Variants in BSDC1 observed in about 807,000 individuals in gnomAD.
The protein encoded by BSDC1 is BSD domain-containing protein 1.
Under a neutral mutation model 56.0 loss-of-function variants are expected in BSDC1, and 29 were observed. That is an observed-to-expected ratio of 0.52 (90% CI 0.39 to 0.71). The LOEUF is 0.71. Ranked by LOEUF, BSDC1 falls within the 30% of genes least tolerant of loss-of-function variation. The probability of loss-of-function intolerance (pLI) is 0.00; values close to 1 mark genes in which losing one functional copy is unlikely to be tolerated. For synonymous variants in BSDC1, 210 were observed against 215.3 expected (o/e 0.98, Z 0.21); for missense variants, 477 against 548.5 (o/e 0.87, Z 1.30).
rs570507375 is a variant in BSDC1, at chr1:32,367,239, C to T, written c.1261-585G>A. The T allele has an allele frequency of 2.2e-5, 22 of 985,440 alleles. No individual in the cohort carries two copies. In the South Asian group the frequency reaches 8.9e-4, roughly 40 times the overall value. 61.0% of individuals were successfully genotyped at this position (985,440 alleles called of 1,614,324 possible). On this transcript the variant is annotated intron_variant, in intron 10 of 10. Coordinates refer to ENST00000455895, the MANE Select transcript of BSDC1 (RefSeq NM_018045.8). The stretch of plus-strand genomic sequence containing the variant: ...CACGGAACGTTTTCTTGCTTTGTTC[C>T]TACTCTTGGCCTGCTGTCGGCTAAG...
intron 10 of BSDC1, chr1:32,367,081 C>G (rs1360432606): frequency 1.0e-6 from 1 of 990,372 alleles, no homozygotes; most frequent in Non-Finnish European, 1.2e-6. Flanking sequence ...GGGCAAGTTA[C>G]TTAGTCTTTG....
chr1:32,390,771 C>T (rs1304005120), intron 2 of BSDC1, among the ~76,000 whole-genome samples: 1 of 151,778 alleles, frequency 6.6e-6, no homozygotes, highest in Non-Finnish European at 1.5e-5. Context: ...ATTAGTTGGG[C>T]GTGATGGTAC....
Position 32,365,079 on chromosome 1 carries a change from G to C in BSDC1, c.*1543C>G, listed in dbSNP as rs1258327646. On this transcript the variant is annotated 3_prime_UTR_variant, in exon 11 of 11. Coordinates refer to ENST00000455895, the MANE Select transcript of BSDC1 (RefSeq NM_018045.8). ...CCTGGCCCAGTGCAGCTGCCAAGGG[G>C]ACAAAAACAGACCCCCAGACACCTT... 4 of 152,212 alleles carry C rather than the reference G, an allele frequency of 2.6e-5. No homozygotes were observed. The highest frequency in any genetic ancestry group is 9.7e-5 in the African/African-American group (4 of 41,438). 9.4% of individuals were successfully genotyped at this position (152,212 alleles called of 1,614,324 possible).
chr1:32,367,005 G>A (rs2148104361), intron 10 of BSDC1: 1 of 1,045,740 alleles, frequency 9.6e-7, no homozygotes, highest in African/African-American at 1.7e-5. Context: ...ATGGCTCTGA[G>A]AAGCAGAGAA....
intron 9 of BSDC1, chr1:32,369,094 C>CT: frequency 5.2e-6 from 2 of 385,760 alleles, no homozygotes; most frequent in South Asian, 4.4e-5. Flanking sequence ...TGATGGAAAC[C>CT]TAGAAACAAT....
intron 9 of BSDC1, among the ~76,000 whole-genome samples, chr1:32,372,036 C>G (rs1236484063): frequency 6.6e-6 from 1 of 152,208 alleles, no homozygotes; most frequent in African/African-American, 2.4e-5. Context: ...TAAGCAGGTA[C>G]CTGTGTGTTC....
intron 2 of BSDC1, among the ~76,000 whole-genome samples, chr1:32,391,840 G>C (rs562437819): frequency 6.6e-6 from 1 of 152,242 alleles, no homozygotes; most frequent in South Asian, 2.1e-4. Context: ...AACGAACTGG[G>C]GGTGGTATCT....
At chr1:32,373,991 T>C (rs1169695743) in intron 9 of BSDC1, among the ~76,000 whole-genome samples, 1 of 152,190 alleles carries the variant, frequency 6.6e-6, no homozygotes, top group African/African-American at 2.4e-5. Flanking sequence ...CAGTGGGCCC[T>C]GGGACCATCC....
rs1641819693 is a variant in BSDC1 at position 32,365,650 on chromosome 1, A to ACCAAT, written c.*971_*972insATTGG. 6.6e-6 allele frequency: 1 copy of ACCAAT among 152,612 alleles called. No homozygotes were observed. The highest frequency in any genetic ancestry group is 1.5e-5 in the Non-Finnish European group (1 of 68,052). 9.5% of individuals were successfully genotyped at this position (152,612 alleles called of 1,614,324 possible). On this transcript the variant is annotated 3_prime_UTR_variant, in exon 11 of 11. Coordinates refer to ENST00000455895, the MANE Select transcript of BSDC1 (RefSeq NM_018045.8). ...AGAGCTTTTGCAGAAGCCTGATGAGAGTTTCAAGTTCACCCCCAGGATAGC... is the reference window on the plus strand; with the variant it reads ...AGAGCTTTTGCAGAAGCCTGATGAGACCAATGTTTCAAGTTCACCCCCAGGATAGC...
intron 3 of BSDC1, among the ~76,000 whole-genome samples, chr1:32,386,231 A>C (rs972801150): frequency 1.2e-4 from 18 of 151,520 alleles, no homozygotes; most frequent in African/African-American, 4.4e-4. Flanking sequence ...AGGCAGGAGA[A>C]TAGCATGAAC....
chr1:32,392,678 TCAA>T (rs1470142870), intron 2 of BSDC1, among the ~76,000 whole-genome samples: 3 of 152,148 alleles, frequency 2.0e-5, no homozygotes, highest in East Asian at 1.9e-4. Context: ...TCAGTCCTCA[TCAA>T]CAACATAAAC....
intron 2 of BSDC1, among the ~76,000 whole-genome samples, chr1:32,391,909 C>T (rs761254074): frequency 7.2e-5 from 11 of 152,210 alleles, no homozygotes; most frequent in Non-Finnish European, 1.5e-4. Flanking sequence ...ATAGCACTTA[C>T]TGTATGCTAG....
chr1:32,376,640 A>G lies in BSDC1; in HGVS notation c.778T>C (p.Cys260Arg). ...PEGEPGPQSP[C>R]EENLVTSVEP... ...ACTGAAGTCACCAGATTCTCTTCAC[A>G]GGGGCTCTGGGGGCCAGGTTCTCCT... is the stretch of plus-strand genomic sequence containing the variant. Residue 260 changes from cysteine (C) to arginine (R), a missense_variant, in exon 9 of 11, where the codon TGT becomes CGT. Physicochemically the swap from Cys to Arg is radical, Grantham distance 180. Coordinates refer to ENST00000455895, the MANE Select transcript of BSDC1 (RefSeq NM_018045.8). 11 of 1,432,748 alleles carry G rather than the reference A, an allele frequency of 7.7e-6. No homozygotes were observed. Among genetic ancestry groups the G allele is most frequent in the Non-Finnish European group, 1.0e-5 (11 of 1,080,942 alleles). 88.8% of individuals were successfully genotyped at this position (1,432,748 alleles called of 1,614,324 possible). A position where few individuals can be genotyped will look rare whatever the true frequency, so the allele number is the denominator to read the frequency against.
intron 9 of BSDC1, chr1:32,369,229 C>T: frequency 1.6e-6 from 2 of 1,286,354 alleles, no homozygotes; most frequent in Non-Finnish European, 2.0e-6. Context: ...TAAACTATTA[C>T]CTCGGAAAAG....
chr1:32,389,816 A>G (rs1256229498), intron 2 of BSDC1, among the ~76,000 whole-genome samples: 2 of 151,900 alleles, frequency 1.3e-5, no homozygotes, highest in South Asian at 2.1e-4. Flanking sequence ...ACACACAAAT[A>G]CAAAAAATTA....
chr1:32,376,612 TC>T lies in BSDC1; in HGVS notation c.805del (p.Glu269SerfsTer6), dbSNP rs1461249831. 6.8e-7 allele frequency: 1 copy of T among 1,465,404 alleles called. No homozygotes were observed. The highest frequency in any genetic ancestry group is 2.2e-5 in the Admixed American group (1 of 44,686). The allele number at this position is 1,465,404 out of a possible 1,614,324, so 90.8% of individuals were successfully genotyped here. ...PCEENLVTSV[E>X]PPAEVTPSES... ...TGATGGAGTCACCTCTGCTGGGGGC[TC>T]AACTGAAGTCACCAGATTCTCTTCA... On this transcript the variant is annotated frameshift_variant, in exon 9 of 11. Coordinates refer to ENST00000455895, the MANE Select transcript of BSDC1 (RefSeq NM_018045.8). LOFTEE classifies it high-confidence loss of function.
chr1:32,381,294 C>G, intron 4 of BSDC1, 26 bp from the exon 5 acceptor site: 1 of 1,611,124 alleles, frequency 6.2e-7, no homozygotes, highest in Non-Finnish European at 8.5e-7. Context: ...AAGAGGAAAA[C>G]AGAAATTCTG....
At chr1:32,369,089 G>C in intron 9 of BSDC1, 1 of 373,872 alleles carries the variant, frequency 2.7e-6, no homozygotes, top group Non-Finnish European at 5.0e-6. Flanking sequence ...CATAGTGATG[G>C]AAACCTAGAA....
Position 32,376,272 on chromosome 1 carries a change from A to G in BSDC1, c.1146T>C (p.Asn382=). ...GACCTCCAGACCTACCTTTCTTTCC[A>G]TTGTTGGAGGGTGTAGACTTCCCAC... is the stretch of plus-strand genomic sequence containing the variant. ...SDSGKSTPSN[N]GKKGSSTDIS... The change falls in exon 9 of 11, where the codon AAT becomes AAC. Residue 382 remains asparagine, a synonymous_variant. Transcript: ENST00000455895. The G allele has an allele frequency of 6.7e-7, 1 of 1,496,356 alleles. No individual in the cohort carries two copies. The highest frequency in any genetic ancestry group is 1.3e-5 in the South Asian group (1 of 74,224). The allele number at this position is 1,496,356 out of a possible 1,614,324, so 92.7% of individuals were successfully genotyped here. A position where few individuals can be genotyped will look rare whatever the true frequency, so the allele number is the denominator to read the frequency against.
Sources: allele counts gnomAD v4.1 joint callset (sites outside exome capture counted in the v4.1 genomes callset), GRCh38; gene constraint gnomAD v4.1.1; transcripts MANE v1.5; gene names NCBI Gene and HGNC (gene_info 2026-07-23, HGNC 2026-07-21).